CNTN3: variants seen among roughly 807,000 people sequenced by gnomAD.
CNTN3 encodes contactin-3.
In CNTN3, 60 loss-of-function variants were observed where a neutral mutation model predicts 119.1. The observed-to-expected ratio is 0.50, with a 90% confidence interval of 0.41 to 0.62. The LOEUF (loss-of-function observed/expected upper bound fraction) is 0.62. Ranked by LOEUF, CNTN3 falls within the 20% of genes least tolerant of loss-of-function variation. The probability of loss-of-function intolerance (pLI) is 0.00; values close to 1 mark genes in which losing one functional copy is unlikely to be tolerated. For missense variants in CNTN3, 1,101 were observed against 1,242.4 expected (o/e 0.89, Z 1.71); for synonymous variants, 450 against 438.7 (o/e 1.03, Z -0.32).
At chr3:74,374,091 T>A (rs1704411653) in intron 5 of CNTN3, among the ~76,000 whole-genome samples, 1 of 152,064 alleles carries the variant, frequency 6.6e-6, no homozygotes, top group Non-Finnish European at 1.5e-5. Context: ...TCCTGCCCCA[T>A]GAAGGATTTC....
chr3:74,421,745 C>G lies in CNTN3; in HGVS notation c.454+3100G>C, dbSNP rs1181317523. On this transcript the variant is annotated intron_variant, in intron 5 of 22. Transcript: ENST00000263665. ...GAAGAAAACCAAATGGACCACAGTG[C>G]AGGCCATGAGCTCTCTGATTAATCC... Among the ~76,000 whole-genome samples the G allele has an allele frequency of 3.9e-5, 6 of 152,294 alleles. No individual in the cohort carries two copies. In the East Asian group the frequency reaches 9.7e-4, roughly 25 times the overall value.
At chr3:74,475,528 G>A (rs902939833) in intron 4 of CNTN3, among the ~76,000 whole-genome samples, 1 of 152,106 alleles carries the variant, frequency 6.6e-6, no homozygotes, top group Non-Finnish European at 1.5e-5. Flanking sequence ...CTGCATCGCT[G>A]CAAGGCTGTA....
In CNTN3 at chr3:74,340,546, T is replaced by C. The variant is rs1456227831; in HGVS notation, c.1365-3888A>G. 2.0e-5 allele frequency among the ~76,000 whole-genome samples: 3 copies of C among 152,122 alleles called. No homozygotes were observed. In the East Asian group the frequency reaches 5.8e-4, roughly 29 times the overall value. ...TTGGGGCCATGACACCCAAAGAGAA[T>C]GACACTTGATTTATAGTGTTGCTCC... On this transcript the variant is annotated intron_variant, in intron 11 of 22. Coordinates refer to ENST00000263665, the MANE Select transcript of CNTN3 (RefSeq NM_020872.3).
At chr3:74,382,239 A>C (rs944444097) in intron 5 of CNTN3, among the ~76,000 whole-genome samples, 1 of 152,108 alleles carries the variant, frequency 6.6e-6, no homozygotes, top group East Asian at 1.9e-4. Flanking sequence ...ATGTTTATCT[A>C]TAATTGAAAA....
At chr3:74,471,130 G>A (rs1029865493) in intron 4 of CNTN3, among the ~76,000 whole-genome samples, 1 of 152,002 alleles carries the variant, frequency 6.6e-6, no homozygotes, top group East Asian at 1.9e-4. Flanking sequence ...CAGCCTCAGC[G>A]GGATCCCAAA....
At chr3:74,443,230 G>A (rs1479310549) in intron 4 of CNTN3, among the ~76,000 whole-genome samples, 2 of 152,100 alleles carry the variant, frequency 1.3e-5, no homozygotes, top group East Asian at 1.9e-4. Context: ...GCTTGACAGT[G>A]GGAAGCCCTG....
intron 11 of CNTN3, among the ~76,000 whole-genome samples, chr3:74,346,772 TCCATC>T (rs1451643285): frequency 1.3e-5 from 2 of 151,770 alleles, no homozygotes; most frequent in Non-Finnish European, 2.9e-5. Context: ...CATCCATCCA[TCCATC>T]CATCCATCCA....
intron 1 of CNTN3, among the ~76,000 whole-genome samples, chr3:74,611,265 A>G (rs996411688): frequency 6.6e-6 from 1 of 152,188 alleles, no homozygotes; most frequent in African/African-American, 2.4e-5. Context: ...AGATTCTACA[A>G]ATATTTACAT....
intron 3 of CNTN3, among the ~76,000 whole-genome samples, chr3:74,495,649 CCTTT>C (rs1257725947): frequency 2.0e-5 from 3 of 151,868 alleles, no homozygotes; most frequent in South Asian, 2.1e-4. Flanking sequence ...TTTTATTTTC[CCTTT>C]CTTTCTTATA....
At chr3:74,453,170 G>A (rs377326225) in intron 4 of CNTN3, among the ~76,000 whole-genome samples, 4 of 151,910 alleles carry the variant, frequency 2.6e-5, no homozygotes, top group Admixed American at 1.3e-4. Context: ...TTGGTAAGCT[G>A]TTGATTATTG....
chr3:74,496,149 C>A lies in CNTN3; in HGVS notation c.182+3510G>T, dbSNP rs142124455. Among the ~76,000 whole-genome samples the A allele has an allele frequency of 2.6e-4, 39 of 152,204 alleles. 2 individuals carry two copies. Among genetic ancestry groups the A allele is most frequent in the African/African-American group, 8.4e-4 (35 of 41,550 alleles). On this transcript the variant is annotated intron_variant, in intron 3 of 22. Transcript: ENST00000263665. ...TGTGATTACTGGCTACCATATTGGA[C>A]AGCAAACCTCTAAGTCTTGAGCTAG... is the stretch of plus-strand genomic sequence containing the variant.
chr3:74,291,070 C>A (rs1013490698), intron 19 of CNTN3, among the ~76,000 whole-genome samples: 2 of 151,788 alleles, frequency 1.3e-5, no homozygotes, highest in Non-Finnish European at 2.9e-5. Context: ...TCATGACAGG[C>A]CCCAGTGTGT....
At chr3:74,328,440 G>T (rs978433851) in intron 13 of CNTN3, among the ~76,000 whole-genome samples, 2 of 151,972 alleles carry the variant, frequency 1.3e-5, no homozygotes, top group African/African-American at 2.4e-5. Flanking sequence ...ATAAATATTT[G>T]CATATATTTT....
chr3:74,511,690 T>C (rs1051716306), intron 2 of CNTN3, among the ~76,000 whole-genome samples: 1 of 152,012 alleles, frequency 6.6e-6, no homozygotes, highest in African/African-American at 2.4e-5. Context: ...CAAAGGAACA[T>C]TTCATAACGT....
At chr3:74,499,407 A>G (rs4677404) in intron 3 of CNTN3, among the ~76,000 whole-genome samples, 131,557 of 151,924 alleles carry the variant, frequency 0.87, 57,618 homozygotes, top group Non-Finnish European at 0.94. Context: ...TATAAATTAA[A>G]CTGCACTATA....
chr3:74,545,869 C>T (rs1327548518), intron 1 of CNTN3, among the ~76,000 whole-genome samples: 1 of 152,110 alleles, frequency 6.6e-6, no homozygotes, highest in Non-Finnish European at 1.5e-5. Flanking sequence ...ACACTTTATG[C>T]ATTGTCCCCA....
Position 74,313,352 on chromosome 3 carries a change from C to T in CNTN3, c.1669-10545G>A, listed in dbSNP as rs10222434. Among the ~76,000 whole-genome samples the T allele has an allele frequency of 6.5e-3, 985 of 151,902 alleles. 12 individuals are homozygous for T. Among genetic ancestry groups the T allele is most frequent in the African/African-American group, 0.023 (950 of 41,444 alleles). On this transcript the variant is annotated intron_variant, in intron 13 of 22. Transcript: ENST00000263665. ...CAGAGAACACCAAGTAGAATATATG[C>T]CCCCAAGAAAACAGAAAGTCACAAA...
intron 5 of CNTN3, among the ~76,000 whole-genome samples, chr3:74,423,524 CGT>C (rs1701649242): frequency 6.6e-6 from 1 of 152,180 alleles, no homozygotes; most frequent in African/African-American, 2.4e-5. Flanking sequence ...CGAGGCAGCA[CGT>C]CCTTCTGGGT....
At chr3:74,460,786 T>C (rs933844577) in intron 4 of CNTN3, among the ~76,000 whole-genome samples, 3 of 47,516 alleles carry the variant, frequency 6.3e-5, no homozygotes, top group African/African-American at 2.4e-4. Context: ...TATATATATA[T>C]ATATATATAT....
Sources: gnomAD v4.1 joint callset for allele counts (sites outside exome capture counted in the v4.1 genomes callset) on GRCh38, gnomAD v4.1.1 for gene constraint, MANE v1.5 for transcripts, NCBI Gene and HGNC (gene_info 2026-07-23, HGNC 2026-07-21) for gene names.